Variants in SLC8A1 observed in about 807,000 individuals in gnomAD.
SLC8A1 encodes the protein sodium/calcium exchanger 1.
In SLC8A1, 18 loss-of-function variants were observed where a neutral mutation model predicts 68.3. The observed-to-expected ratio is 0.26, with a 90% CI of 0.18 to 0.39. SLC8A1 has a LOEUF of 0.39. Among genes scored for constraint, SLC8A1 ranks in the 10% least tolerant of loss-of-function variants. The pLI is 1.00. For missense variants in SLC8A1, 985 were observed against 1,156.7 expected (o/e 0.85, Z 2.15); for synonymous variants, 475 against 415.5 (o/e 1.14, Z -1.74).
intron 2 of SLC8A1, among the ~76,000 whole-genome samples, chr2:40,389,764 T>A (rs1259103106): frequency 6.6e-6 from 1 of 151,442 alleles, no homozygotes; most frequent in Non-Finnish European, 1.5e-5. Context: ...GAAATTGTTT[T>A]CAGATACTTT....
At chr2:40,347,669 T>C (rs1353726744) in intron 2 of SLC8A1, among the ~76,000 whole-genome samples, 8 of 152,220 alleles carry the variant, frequency 5.3e-5, no homozygotes, top group African/African-American at 1.9e-4. Flanking sequence ...TAATCGAATG[T>C]TATACTAACA....
At chr2:40,144,689 TC>T (rs1165281762) in intron 6 of SLC8A1, among the ~76,000 whole-genome samples, 4 of 152,120 alleles carry the variant, frequency 2.6e-5, no homozygotes, top group African/African-American at 7.2e-5. Context: ...ATAAGCTCTT[TC>T]TCAGACCCGT....
At chr2:40,297,312 G>A (rs2070579224) in intron 2 of SLC8A1, among the ~76,000 whole-genome samples, 2 of 152,142 alleles carry the variant, frequency 1.3e-5, no homozygotes, top group Admixed American at 6.5e-5. Context: ...TGTAGTCCTA[G>A]CTATGCCACT....
At chr2:40,302,392 C>A (rs1304216423) in intron 2 of SLC8A1, among the ~76,000 whole-genome samples, 1 of 150,254 alleles carries the variant, frequency 6.7e-6, no homozygotes, top group East Asian at 2.0e-4. Flanking sequence ...CAGGTTGCTG[C>A]AAATGCCATT....
intron 2 of SLC8A1, among the ~76,000 whole-genome samples, chr2:40,265,102 C>G (rs761979458): frequency 1.1e-4 from 16 of 152,120 alleles, no homozygotes; most frequent in Non-Finnish European, 2.1e-4. Flanking sequence ...TTCACTGTGC[C>G]ACAATGAATT....
At chr2:40,308,483 G>C (rs1053379494) in intron 2 of SLC8A1, among the ~76,000 whole-genome samples, 103 of 152,216 alleles carry the variant, frequency 6.8e-4, no homozygotes, top group African/African-American at 2.4e-3. Context: ...GTGGTTTGAG[G>C]GAACCTGGGC....
At chr2:40,407,004 C>G (rs60403221) in intron 2 of SLC8A1, among the ~76,000 whole-genome samples, 43,015 of 151,930 alleles carry the variant, frequency 0.28, 6,193 homozygotes, top group South Asian at 0.5. Flanking sequence ...CTAGGCTTAC[C>G]AGGTTCTAGG....
intron 1 of SLC8A1, among the ~76,000 whole-genome samples, chr2:40,463,358 A>G (rs564856551): frequency 6.6e-6 from 1 of 152,318 alleles, no homozygotes; most frequent in South Asian, 2.1e-4. Flanking sequence ...CGGCTGCAAG[A>G]TAAGCATAGT....
intron 2 of SLC8A1, among the ~76,000 whole-genome samples, chr2:40,395,640 G>T (rs567682383): frequency 2.0e-5 from 3 of 152,226 alleles, no homozygotes; most frequent in Middle Eastern, 3.4e-3. Context: ...AGAGAGGAAA[G>T]GTAGTGGAAG....
At chr2:40,388,550 T>C (rs932522232) in intron 2 of SLC8A1, among the ~76,000 whole-genome samples, 1 of 152,176 alleles carries the variant, frequency 6.6e-6, no homozygotes, top group Non-Finnish European at 1.5e-5. Context: ...AAAATCACTC[T>C]ATGCATCTAA....
At chr2:40,452,737 T>G (rs1001147504), upstream of SLC8A1, among the ~76,000 whole-genome samples, 1 of 150,196 alleles carries the variant, frequency 6.7e-6, no homozygotes, top group Admixed American at 6.7e-5. Flanking sequence ...GGCTACTAGA[T>G]GCTGACACAA....
intron 1 of SLC8A1, among the ~76,000 whole-genome samples, chr2:40,494,585 A>G (rs994822363): frequency 3.4e-5 from 5 of 149,224 alleles, no homozygotes; most frequent in African/African-American, 1.2e-4. Flanking sequence ...TCACACACAT[A>G]TACATATGTA....
At chr2:40,240,421 C>G (rs1156246599) in intron 2 of SLC8A1, among the ~76,000 whole-genome samples, 1 of 152,034 alleles carries the variant, frequency 6.6e-6, no homozygotes. Flanking sequence ...TGAACTGGAC[C>G]CAATGCAACA....
intron 2 of SLC8A1, among the ~76,000 whole-genome samples, chr2:40,200,239 A>AATATATATATATATATATATAAATATAT (rs2054042387): frequency 5.9e-5 from 1 of 16,830 alleles, no homozygotes; most frequent in African/African-American, 2.2e-4. Context: ...TATATATATA[A>AATATATATATATATATATATAAATATAT]ATATATATAT....
intron 1 of SLC8A1, among the ~76,000 whole-genome samples, chr2:40,449,170 A>G (rs912037136): frequency 2.9e-5 from 4 of 139,354 alleles, no homozygotes; most frequent in Admixed American, 7.4e-5. Flanking sequence ...ACAAAAAACA[A>G]AAAACAACAA....
intron 2 of SLC8A1, among the ~76,000 whole-genome samples, chr2:40,189,107 T>C (rs921519656): frequency 6.6e-6 from 1 of 152,158 alleles, no homozygotes; most frequent in African/African-American, 2.4e-5. Flanking sequence ...AAATTTTTGA[T>C]GTATCCCTTT....
At chr2:40,377,935 T>A (rs1680452990) in intron 2 of SLC8A1, among the ~76,000 whole-genome samples, 1 of 152,160 alleles carries the variant, frequency 6.6e-6, no homozygotes, top group Non-Finnish European at 1.5e-5. Context: ...GAAGTCTTCT[T>A]ATTGTCTTAT....
intron 4 of SLC8A1, among the ~76,000 whole-genome samples, chr2:40,166,416 A>C (rs368772057): frequency 9.0e-4 from 137 of 152,348 alleles, no homozygotes; most frequent in African/African-American, 3.2e-3. Flanking sequence ...CTAAAAGCCC[A>C]TTTTAAAATC....
intron 2 of SLC8A1, among the ~76,000 whole-genome samples, chr2:40,386,072 G>A (rs1275146640): frequency 1.3e-5 from 2 of 151,138 alleles, no homozygotes; most frequent in Non-Finnish European, 2.9e-5. Flanking sequence ...GCTACTATGT[G>A]TTTTAAAAGA....
Sources: allele counts gnomAD v4.1 joint callset (sites outside exome capture counted in the v4.1 genomes callset), GRCh38; gene constraint gnomAD v4.1.1; transcripts MANE v1.5; gene names NCBI Gene and HGNC (gene_info 2026-07-23, HGNC 2026-07-21).